The following KMT2C variants were observed in gnomAD, a reference collection of about 807,000 sequenced individuals.
KMT2C encodes lysine methyltransferase 2C.
Under a neutral mutation model 507.9 loss-of-function variants are expected in KMT2C, and 88 were observed. That is an observed-to-expected ratio of 0.17 (90% CI 0.15 to 0.21). The LOEUF is 0.21. Ranked by LOEUF, KMT2C falls within the 10% of genes least tolerant of loss-of-function variation. KMT2C has a pLI of 1.00. For missense variants in KMT2C, 4,954 were observed against 5,957.8 expected (o/e 0.83, Z 5.55); for synonymous variants, 2,049 against 2,080.8 (o/e 0.98, Z 0.42).
intron 14 of KMT2C, among the ~76,000 whole-genome samples, chr7:152,239,733 T>C (rs2095349684): frequency 6.6e-6 from 1 of 152,076 alleles, no homozygotes. Context: ...ACAAGACAAA[T>C]GTCAAACAAT....
chr7:152,414,664 T>C (rs1159717907), intron 1 of KMT2C, among the ~76,000 whole-genome samples: 7 of 151,932 alleles, frequency 4.6e-5, no homozygotes, highest in Non-Finnish European at 1.0e-4. Context: ...CCTGGCTCAT[T>C]TTTGTATTTT....
chr7:152,379,848 C>A (rs929593047), intron 1 of KMT2C, among the ~76,000 whole-genome samples: 4 of 152,412 alleles, frequency 2.6e-5, no homozygotes, highest in Admixed American at 2.0e-4. Context: ...GTAATCCCAG[C>A]ACTTTAGGAG....
rs538403933 is a variant in KMT2C at position 152,432,377 on chromosome 7, A to C, written c.161+3249T>G. Among the ~76,000 whole-genome samples the C allele has an allele frequency of 1.4e-3, 217 of 152,368 alleles. 5 individuals are homozygous for C. Among genetic ancestry groups the C allele is most frequent in the Non-Finnish European group, 2.4e-3 (161 of 68,042 alleles). ...TTCAGAAAAATTTTTTAACATTAAC[A>C]CAAAAATAATGAGATCTTTAATATG... is the stretch of plus-strand genomic sequence containing the variant. On this transcript the variant is annotated intron_variant, in intron 1 of 58. Transcript: ENST00000262189.
At chr7:152,344,512 A>T (rs896455703) in intron 2 of KMT2C, among the ~76,000 whole-genome samples, 2 of 152,252 alleles carry the variant, frequency 1.3e-5, no homozygotes, top group African/African-American at 4.8e-5. Flanking sequence ...GGAGGTAACC[A>T]AAACTGTGAA....
In KMT2C at chr7:152,254,245, A is replaced by G. The variant is rs1257074886; in HGVS notation, c.1300-1530T>C. On this transcript the variant is annotated intron_variant, in intron 9 of 58. Coordinates refer to ENST00000262189, the MANE Select transcript of KMT2C (RefSeq NM_170606.3). ...AGCCTGGGCAACACACAGAGACCCC[A>G]TCTTTTGAAATACATACACATATAT... Among the ~76,000 whole-genome samples, 4 of 151,712 alleles carry G rather than the reference A, an allele frequency of 2.6e-5. No individual in the cohort carries two copies. The East Asian group carries it at 7.7e-4, about 29-fold the overall frequency.
chr7:152,204,072 A>G (rs915342785), intron 25 of KMT2C, among the ~76,000 whole-genome samples: 1 of 152,008 alleles, frequency 6.6e-6, no homozygotes, highest in Non-Finnish European at 1.5e-5. Flanking sequence ...GGTCAGTTTA[A>G]TAAGAAATAC....
At chr7:152,433,014 GGC>G (rs1213602207) in intron 1 of KMT2C, among the ~76,000 whole-genome samples, 1 of 152,078 alleles carries the variant, frequency 6.6e-6, no homozygotes, top group Non-Finnish European at 1.5e-5. Context: ...TAGGTGCGAT[GGC>G]GCACACCTGT....
At position 152,136,227 on chromosome 7, in the gene KMT2C, T is replaced by C. The variant is rs1291047581; in HGVS notation, c.*605A>G. The C allele has an allele frequency of 4.7e-6, 1 of 210,864 alleles. No individual in the cohort carries two copies. Among genetic ancestry groups the C allele is most frequent in the African/African-American group, 2.3e-5 (1 of 44,128 alleles). The allele number at this position is 210,864 out of a possible 1,614,324, so 13.1% of individuals were successfully genotyped here. A position where few individuals can be genotyped will look rare whatever the true frequency, so the allele number is the denominator to read the frequency against. On this transcript the variant is annotated 3_prime_UTR_variant, in exon 59 of 59. Coordinates refer to ENST00000262189, the MANE Select transcript of KMT2C (RefSeq NM_170606.3). ...TCAAAAACTACAATAAACTGACTCATGGAATCAAGTATTTAAATGTATTTA... is the reference window on the plus strand; with the variant it reads ...TCAAAAACTACAATAAACTGACTCACGGAATCAAGTATTTAAATGTATTTA...
In KMT2C at chr7:152,253,262, G is replaced by C. The variant is rs1192282573; in HGVS notation, c.1300-547C>G. 2.0e-5 allele frequency among the ~76,000 whole-genome samples: 3 copies of C among 151,922 alleles called. No individual in the cohort carries two copies. The East Asian group carries it at 5.8e-4, about 29-fold the overall frequency. The stretch of plus-strand genomic sequence containing the variant: ...TAAATAAGGGAATGGGGATATCCAG[G>C]AAAACATATAGGTGGAAGAGATAAA... On this transcript the variant is annotated intron_variant, in intron 9 of 58. Transcript: ENST00000262189.
intron 58 of KMT2C, chr7:152,137,346 C>T (rs2089973719): frequency 5.8e-6 from 1 of 173,284 alleles, no homozygotes; most frequent in Non-Finnish European, 1.2e-5. Flanking sequence ...TCTGTTTTCC[C>T]TCCTTCATTT....
Position 152,135,510 on chromosome 7 carries a change from CCTT to C in KMT2C, c.*1319_*1321del, listed in dbSNP as rs558587201. ...TGCAGCTGTAAGCATAATCACATCT[CCTT>C]TTTTTTTTTAACTTTTTCAAATTTT... On this transcript the variant is annotated 3_prime_UTR_variant, in exon 59 of 59. Transcript: ENST00000262189. 1.8e-3 allele frequency: 399 copies of C among 224,248 alleles called. 9 individuals are homozygous for C. The Admixed American group carries it at 0.02, about 11-fold the overall frequency. The allele number at this position is 224,248 out of a possible 1,614,324, so 13.9% of individuals were successfully genotyped here.
intron 2 of KMT2C, among the ~76,000 whole-genome samples, chr7:152,346,322 C>T (rs1210403884): frequency 6.6e-6 from 1 of 152,132 alleles, no homozygotes; most frequent in East Asian, 1.9e-4. Flanking sequence ...CAAGGTAGAC[C>T]ACATTCTGAG....
At chr7:152,348,455 C>G (rs1563945900) in intron 2 of KMT2C, among the ~76,000 whole-genome samples, 1 of 151,416 alleles carries the variant, frequency 6.6e-6, no homozygotes, top group Non-Finnish European at 1.5e-5. Flanking sequence ...AAAAAGTAGC[C>G]AGGCATGGTG....
intron 1 of KMT2C, among the ~76,000 whole-genome samples, chr7:152,428,825 G>A (rs757119039): frequency 5.9e-5 from 9 of 152,104 alleles, no homozygotes; most frequent in Non-Finnish European, 1.2e-4. Context: ...TAAAGTGTCA[G>A]TTGTCATTCA....
chr7:152,431,506 T>G (rs1279383217), intron 1 of KMT2C, among the ~76,000 whole-genome samples: 3 of 150,806 alleles, frequency 2.0e-5, no homozygotes, highest in Non-Finnish European at 4.4e-5. Context: ...CTTGGGAGGC[T>G]GAGACAGGAG....
rs1587827106 is a variant in KMT2C, at chr7:152,163,299, C to T, written c.10278G>A (p.Gln3426=). 35 of 1,614,218 alleles carry T rather than the reference C, an allele frequency of 2.2e-5. No individual in the cohort carries two copies. The highest frequency in any genetic ancestry group is 2.6e-5 in the Non-Finnish European group (31 of 1,180,046). ...MQEVDRQRAL[Q]QRMEMEQHGM... is the part of the protein sequence containing the mutation. ...CATGCTGCTCCATTTCCATCCTCTG[C>T]TGCAAAGCTCTTTGTCTATCTACCT... The change falls in exon 43 of 59, where the codon CAG becomes CAA. Residue 3426 remains glutamine, a synonymous_variant. Coordinates refer to ENST00000262189, the MANE Select transcript of KMT2C (RefSeq NM_170606.3).
At chr7:152,400,033 G>C (rs1011534777) in intron 1 of KMT2C, among the ~76,000 whole-genome samples, 1 of 152,162 alleles carries the variant, frequency 6.6e-6, no homozygotes, top group East Asian at 1.9e-4. Flanking sequence ...TAGAGGCCGG[G>C]CGTGGGGGTT....
At chr7:152,238,046 G>A (rs1184671510) in intron 15 of KMT2C, among the ~76,000 whole-genome samples, 2 of 152,286 alleles carry the variant, frequency 1.3e-5, no homozygotes, top group Non-Finnish European at 2.9e-5. Context: ...TTCCAGTCAT[G>A]AAAGAAAATA....
At position 152,162,663 on chromosome 7, in the gene KMT2C, TGA is replaced by T; in HGVS notation, c.10912_10913del (p.Ser3638ArgfsTer13). ...TCACTGCAGGAGTAGAGGTAGTTTC[TGA>T]GATGCCTGGAGTCGGTGGGGCAGTT... is the stretch of plus-strand genomic sequence containing the variant. Reference protein sequence around the residue: ...DITAPPTPGISETTSTPAVST... With the variant: ...DITAPPTPGIXETTSTPAVST... On this transcript the variant is annotated frameshift_variant, in exon 43 of 59. Transcript: ENST00000262189. LOFTEE classifies it high-confidence loss of function. The T allele has an allele frequency of 6.2e-7, 1 of 1,614,246 alleles. No individual in the cohort carries two copies. The highest frequency in any genetic ancestry group is 8.5e-7 in the Non-Finnish European group (1 of 1,180,034).
Sources: allele counts gnomAD v4.1 joint callset (sites outside exome capture counted in the v4.1 genomes callset), GRCh38; gene constraint gnomAD v4.1.1; transcripts MANE v1.5; gene names NCBI Gene and HGNC (gene_info 2026-07-23, HGNC 2026-07-21).